The following C8orf34 variants were observed in gnomAD, a reference collection of about 807,000 sequenced individuals.
C8orf34 encodes the protein uncharacterized protein C8orf34.
In C8orf34, 65 loss-of-function variants were observed where a neutral mutation model predicts 68.3. The ratio of observed to expected loss-of-function variants is 0.95; its 90% CI spans 0.78 to 1.17. C8orf34 has a LOEUF of 1.17. C8orf34 is among the 50% of genes most tolerant of loss of function. The pLI is 0.00. For synonymous variants in C8orf34, 244 were observed against 241.2 expected (o/e 1.01, Z -0.11); for missense variants, 664 against 655.4 (o/e 1.01, Z -0.14).
chr8:68,588,912 A>T (rs1045349162), intron 7 of C8orf34, among the ~76,000 whole-genome samples: 3 of 152,038 alleles, frequency 2.0e-5, no homozygotes, highest in African/African-American at 7.2e-5. Context: ...TCTGTTGCAG[A>T]CTCCTCAACC....
chr8:68,716,458 A>G (rs934519899), intron 9 of C8orf34, among the ~76,000 whole-genome samples: 6 of 152,182 alleles, frequency 3.9e-5, no homozygotes, highest in African/African-American at 1.2e-4. Flanking sequence ...CAATACATCA[A>G]CAGAAAAATA....
intron 4 of C8orf34, among the ~76,000 whole-genome samples, chr8:68,469,932 T>TTGTG (rs34106520): frequency 0.019 from 2,849 of 149,068 alleles, 37 homozygotes; most frequent in African/African-American, 0.034. Context: ...ATTTGGTATT[T>TTGTG]TGTGTGTGTG....
intron 10 of C8orf34, among the ~76,000 whole-genome samples, chr8:68,725,699 A>G (rs1459584134): frequency 6.6e-6 from 1 of 152,106 alleles, no homozygotes; most frequent in African/African-American, 2.4e-5. Flanking sequence ...AGATCTTGTG[A>G]TTTGTCCCAG....
intron 1 of C8orf34, among the ~76,000 whole-genome samples, chr8:68,412,148 G>A (rs1467215634): frequency 6.6e-6 from 1 of 152,124 alleles, no homozygotes; most frequent in Non-Finnish European, 1.5e-5. Context: ...TAAATTCTGT[G>A]TTTATAAATT....
At chr8:68,772,408 T>A (rs868403770) in intron 10 of C8orf34, among the ~76,000 whole-genome samples, 3 of 152,190 alleles carry the variant, frequency 2.0e-5, no homozygotes, top group South Asian at 4.1e-4. Context: ...TACCTCACTC[T>A]CTACGATTTT....
chr8:68,532,546 CACA>C (rs985232539), intron 6 of C8orf34, among the ~76,000 whole-genome samples: 91 of 152,292 alleles, frequency 6.0e-4, no homozygotes, highest in African/African-American at 2.2e-3. Flanking sequence ...CAACTATATA[CACA>C]TATGCAAAAG....
intron 1 of C8orf34, among the ~76,000 whole-genome samples, chr8:68,402,700 C>A (rs1809011367): frequency 6.6e-6 from 1 of 152,048 alleles, no homozygotes; most frequent in South Asian, 2.1e-4. Context: ...TTATTAATTT[C>A]CAATATTTGT....
At chr8:68,445,685 C>G (rs963967978) in intron 2 of C8orf34, among the ~76,000 whole-genome samples, 1 of 152,160 alleles carries the variant, frequency 6.6e-6, no homozygotes, top group African/African-American at 2.4e-5. Flanking sequence ...GTGAAATTTA[C>G]TGAAATGTTT....
chr8:68,659,453 A>C (rs1819605096), intron 8 of C8orf34, among the ~76,000 whole-genome samples: 1 of 152,120 alleles, frequency 6.6e-6, no homozygotes, highest in Admixed American at 6.6e-5. Flanking sequence ...TTCAGTTCAT[A>C]AGACTGTTTT....
At chr8:68,422,453 C>T (rs985478591) in intron 1 of C8orf34, among the ~76,000 whole-genome samples, 24 of 152,186 alleles carry the variant, frequency 1.6e-4, no homozygotes, top group African/African-American at 5.8e-4. Context: ...CCTTTGACTC[C>T]ATGTCTCACA....
chr8:68,432,825 C>T (rs1810504160), intron 1 of C8orf34, among the ~76,000 whole-genome samples: 1 of 152,088 alleles, frequency 6.6e-6, no homozygotes, highest in Non-Finnish European at 1.5e-5. Flanking sequence ...GCATTAGAAC[C>T]TGTTTCTTAC....
In C8orf34 at chr8:68,633,319, A is replaced by T. The variant is rs1394479426; in HGVS notation, c.1106-7057A>T. Among the ~76,000 whole-genome samples the T allele has an allele frequency of 8.5e-5, 13 of 152,298 alleles. No individual in the cohort carries two copies. In the East Asian group the frequency reaches 2.5e-3, roughly 29 times the overall value. ...GAATAGGGCCAAGTGCCAAAAAACAATATCTGGCATTTTCCCCCCAACCTC... is the reference window on the plus strand; with the variant it reads ...GAATAGGGCCAAGTGCCAAAAAACATTATCTGGCATTTTCCCCCCAACCTC... On this transcript the variant is annotated intron_variant, in intron 7 of 13. Coordinates refer to ENST00000518698, the MANE Select transcript of C8orf34 (RefSeq NM_052958.4).
chr8:68,715,738 A>G lies in C8orf34; in HGVS notation c.1328-5623A>G, dbSNP rs532788535. Among the ~76,000 whole-genome samples, 174 of 152,198 alleles carry G rather than the reference A, an allele frequency of 1.1e-3. 1 individual carries two copies. In the Middle Eastern group the frequency reaches 0.014, roughly 12 times the overall value. On this transcript the variant is annotated intron_variant, in intron 9 of 13. Coordinates refer to ENST00000518698, the MANE Select transcript of C8orf34 (RefSeq NM_052958.4). The stretch of plus-strand genomic sequence containing the variant: ...GGTGGGAATGTAAACCAGTACAACC[A>G]CTCTGGAAAACAGTGTGGAGATTCC...
chr8:68,778,708 A>G (rs970575712), intron 11 of C8orf34, among the ~76,000 whole-genome samples: 1 of 152,196 alleles, frequency 6.6e-6, no homozygotes, highest in Non-Finnish European at 1.5e-5. Context: ...TGCTTTTTAC[A>G]TCTAAGATAC....
chr8:68,630,789 T>C (rs1347962975), intron 7 of C8orf34, among the ~76,000 whole-genome samples: 1 of 151,170 alleles, frequency 6.6e-6, no homozygotes, highest in Non-Finnish European at 1.5e-5. Context: ...TATATTTCAG[T>C]TTTTTTTGCA....
intron 8 of C8orf34, among the ~76,000 whole-genome samples, chr8:68,671,028 C>A (rs1819992036): frequency 6.6e-6 from 1 of 152,052 alleles, no homozygotes; most frequent in African/African-American, 2.4e-5. Context: ...GAATATTATG[C>A]ACTCAATATA....
At chr8:68,656,798 G>T (rs996706491) in intron 8 of C8orf34, among the ~76,000 whole-genome samples, 4 of 151,976 alleles carry the variant, frequency 2.6e-5, no homozygotes, top group African/African-American at 9.7e-5. Flanking sequence ...CCCCAAGTAG[G>T]TTTCTCCCTT....
chr8:68,395,696 C>A (rs1035479219), intron 1 of C8orf34, among the ~76,000 whole-genome samples: 1 of 151,998 alleles, frequency 6.6e-6, no homozygotes, highest in Non-Finnish European at 1.5e-5. Context: ...GAAAGTGGCA[C>A]GTAGACAACT....
At chr8:68,644,827 A>G (rs1405493235) in intron 8 of C8orf34, among the ~76,000 whole-genome samples, 1 of 152,200 alleles carries the variant, frequency 6.6e-6, no homozygotes, top group Non-Finnish European at 1.5e-5. Flanking sequence ...TCAGACCAAC[A>G]TGTAGAGAAA....
Sources: allele counts gnomAD v4.1 joint callset (sites outside exome capture counted in the v4.1 genomes callset), GRCh38; gene constraint gnomAD v4.1.1; transcripts MANE v1.5; gene names NCBI Gene and HGNC (gene_info 2026-07-23, HGNC 2026-07-21).